The following CHTOP variants were observed in gnomAD, a reference collection of about 807,000 sequenced individuals.
The protein encoded by CHTOP is chromatin target of PRMT1 protein.
In CHTOP, 18 loss-of-function variants were observed where a neutral mutation model predicts 33.6. The ratio of observed to expected loss-of-function variants is 0.54; its 90% confidence interval spans 0.37 to 0.80. The LOEUF is 0.80. CHTOP is among the 30% of genes least tolerant of loss of function. CHTOP has a pLI of 0.00. For missense variants in CHTOP, 263 were observed against 336.8 expected, an observed-to-expected ratio of 0.78 and a Z score of 1.71; for synonymous variants, 117 against 127.7, an observed-to-expected ratio of 0.92 and a Z score of 0.56.
chr1:153,636,409 C>CAAAA (rs35357072), intron 1 of CHTOP, among the ~76,000 whole-genome samples, 163 bp from the exon 2 acceptor site: 4 of 122,740 alleles, frequency 3.3e-5, no homozygotes, highest in African/African-American at 6.2e-5. Context: ...GACCCTGTCT[C>CAAAA]AAAAAAAAAA....
intron 3 of CHTOP, 163 bp downstream of exon 3, chr1:153,638,611 T>A (rs1668497453): frequency 1.3e-6 from 1 of 745,754 alleles, no homozygotes; most frequent in Non-Finnish European, 2.3e-6. Flanking sequence ...TTTTGGCAGG[T>A]ACCAATAAGT....
chr1:153,639,952 T>G (rs1668561269), intron 3 of CHTOP, among the ~76,000 whole-genome samples: 1 of 152,008 alleles, frequency 6.6e-6, no homozygotes, highest in Admixed American at 6.5e-5. Context: ...TTTTGTATTT[T>G]TAGTAGAGAC....
chr1:153,634,948 G>A (rs1668295736), intron 1 of CHTOP, among the ~76,000 whole-genome samples: 1 of 151,814 alleles, frequency 6.6e-6, no homozygotes. Flanking sequence ...CCGCCTCCCG[G>A]GTTCAAGCGA....
intron 1 of CHTOP, among the ~76,000 whole-genome samples, chr1:153,635,664 TAAAA>T (rs1011177383): frequency 6.6e-6 from 1 of 150,512 alleles, no homozygotes; most frequent in African/African-American, 2.4e-5. Context: ...CTACTAAAAA[TAAAA>T]AAAAATTAGC....
intron 5 of CHTOP, chr1:153,644,465 A>G (rs555848879): frequency 2.0e-5 from 3 of 152,492 alleles, no homozygotes; most frequent in Admixed American, 2.0e-4. Flanking sequence ...AATTAAAGGT[A>G]GAAATAGCTA....
chr1:153,636,425 AG>A (rs372711701), intron 1 of CHTOP, 146 bp from the exon 2 acceptor site: 23 of 523,644 alleles, frequency 4.4e-5, no homozygotes, highest in South Asian at 1.6e-4. Flanking sequence ...AAAAAAAAAA[AG>A]AAATTTAAGC....
intron 5 of CHTOP, chr1:153,644,243 C>G (rs535268498): frequency 1.4e-4 from 22 of 152,298 alleles, no homozygotes; most frequent in African/African-American, 5.3e-4. Context: ...TTCTTCTCTC[C>G]CATTATATGA....
At chr1:153,643,152 C>G in intron 4 of CHTOP, 75 bp from the exon 5 acceptor site, 1 of 1,575,066 alleles carries the variant, frequency 6.3e-7, no homozygotes, top group South Asian at 1.1e-5. Flanking sequence ...TAACCCTCAC[C>G]GCCTTCCTTT....
At chr1:153,639,212 G>A (rs759859806) in intron 3 of CHTOP, among the ~76,000 whole-genome samples, 1 of 152,206 alleles carries the variant, frequency 6.6e-6, no homozygotes, top group Non-Finnish European at 1.5e-5. Context: ...AATATACAGA[G>A]TAGAGTGACC....
rs753745741 is a variant in CHTOP, at chr1:153,642,301, T to C, written c.275T>C (p.Ile92Thr). Residue 92 changes from isoleucine to threonine, a missense_variant, in exon 4 of 6, where the codon ATA becomes ACA. Around this residue, in one of 3 missense-constraint regions of CHTOP, gnomAD observed 168 missense variants for 179.9 expected, o/e 0.93. Transcript: ENST00000368694. ...ATCCAGGCACGGTTAGGCCGACCCA[T>C]AGGGGCCCTGGCCAGGGGAGCAATC... ...SNIQARLGRP[I>T]GALARGAIGG... is the part of the protein sequence containing the mutation. 4.3e-6 allele frequency: 7 copies of C among 1,613,932 alleles called. No homozygotes were observed. The Admixed American group carries it at 5.0e-5, about 12-fold the overall frequency.
chr1:153,637,247 G>A (rs1668440263), intron 2 of CHTOP: 1 of 152,154 alleles, frequency 6.6e-6, no homozygotes, highest in African/African-American at 2.4e-5. Flanking sequence ...TGATCAAACT[G>A]ATGTAACTTT....
chr1:153,634,715 A>G lies in CHTOP; in HGVS notation c.-18+372A>G, dbSNP rs141840316. ...GAGGGCTCTTTGCGAGCTAATTCCC[A>G]GGTGAATTTAGAAAACCTTTCCTAC... On this transcript the variant is annotated intron_variant, in intron 1 of 5. Coordinates refer to ENST00000368694, the MANE Select transcript of CHTOP (RefSeq NM_015607.4). Among the ~76,000 whole-genome samples the G allele has an allele frequency of 2.0e-3, 299 of 152,174 alleles. 1 individual carries two copies. Among genetic ancestry groups the G allele is most frequent in the African/African-American group, 7.1e-3 (293 of 41,502 alleles).
chr1:153,635,129 C>T (rs535807753), intron 1 of CHTOP, among the ~76,000 whole-genome samples: 30 of 152,214 alleles, frequency 2.0e-4, no homozygotes, highest in African/African-American at 7.0e-4. Context: ...GGAAAACAGG[C>T]GTGAGCCACC....
chr1:153,636,720 C>A, intron 2 of CHTOP, 67 bp downstream of exon 2: 1 of 1,403,128 alleles, frequency 7.1e-7, no homozygotes, highest in Non-Finnish European at 1.0e-6. Flanking sequence ...CCCTGGGGTC[C>A]AATGCACAAA....
At chr1:153,638,955 A>G (rs900138357) in intron 3 of CHTOP, among the ~76,000 whole-genome samples, 2 of 148,178 alleles carry the variant, frequency 1.3e-5, no homozygotes, top group Admixed American at 1.4e-4. Flanking sequence ...ATCTCGGCTC[A>G]CTGCAAGCTC....
Position 153,645,418 on chromosome 1 carries a change from T to G in CHTOP, c.*149T>G. The G allele has an allele frequency of 1.4e-6, 1 of 704,898 alleles. No individual in the cohort carries two copies. The highest frequency in any genetic ancestry group is 2.3e-6 in the Non-Finnish European group (1 of 430,482). 43.7% of individuals were successfully genotyped at this position (704,898 alleles called of 1,614,324 possible). ...ACTTGCCACCAGCTTGTGCATTTAGTGTGTTCCTTTTACTTTTTGATACTG... is the reference window on the plus strand; with the variant it reads ...ACTTGCCACCAGCTTGTGCATTTAGGGTGTTCCTTTTACTTTTTGATACTG... On this transcript the variant is annotated 3_prime_UTR_variant, in exon 6 of 6. Transcript: ENST00000368694.
At chr1:153,639,321 T>G (rs1217775313) in intron 3 of CHTOP, 4 of 447,138 alleles carry the variant, frequency 8.9e-6, no homozygotes, top group Non-Finnish European at 1.2e-5. Context: ...CAGTGAGAGA[T>G]AATCCTATTC....
chr1:153,634,867 G>T (rs566559341), intron 1 of CHTOP, among the ~76,000 whole-genome samples: 3,244 of 45,200 alleles, frequency 0.072, 44 homozygotes, highest in African/African-American at 0.13. Flanking sequence ...TTTTTTTTTG[G>T]GGGGGGACGG....
intron 3 of CHTOP, 34 bp downstream of exon 3, chr1:153,638,482 C>T (rs775034043): frequency 9.3e-6 from 15 of 1,613,252 alleles, no homozygotes; most frequent in Non-Finnish European, 1.2e-5. Context: ...CCAGAAGCAG[C>T]TGGTGATCTC....
Sources: allele counts gnomAD v4.1 joint callset (sites outside exome capture counted in the v4.1 genomes callset), GRCh38; gene constraint gnomAD v4.1.1; regional missense constraint gnomAD v4.1.1; transcripts MANE v1.5; gene names NCBI Gene and HGNC (gene_info 2026-07-23, HGNC 2026-07-21).